The following NOVA1 variants were observed in gnomAD, a reference collection of about 807,000 sequenced individuals.
The protein encoded by NOVA1 is RNA-binding protein Nova-1.
NOVA1 carries 7 observed loss-of-function variants against 38.0 expected under a neutral mutation model. The observed-to-expected ratio is 0.18, with a 90% CI of 0.10 to 0.35. NOVA1 has a LOEUF of 0.35. Among genes scored for constraint, NOVA1 ranks in the 10% least tolerant of loss-of-function variants. NOVA1 has a pLI of 1.00. For synonymous variants in NOVA1, 270 were observed against 232.5 expected, an observed-to-expected ratio of 1.16 and a Z score of -1.47; for missense variants, 460 against 616.0, an observed-to-expected ratio of 0.75 and a Z score of 2.68.
chr14:26,503,174 T>C (rs1368305973), intron 2 of NOVA1, among the ~76,000 whole-genome samples: 3 of 152,080 alleles, frequency 2.0e-5, no homozygotes, highest in Non-Finnish European at 4.4e-5. Context: ...AAATGTTAGA[T>C]TGAATCTAGT....
At chr14:26,462,335 A>G (rs1405213568) in intron 4 of NOVA1, among the ~76,000 whole-genome samples, 5 of 152,188 alleles carry the variant, frequency 3.3e-5, no homozygotes, top group African/African-American at 4.8e-5. Flanking sequence ...GTTTCATGGT[A>G]AAGTCTCAAT....
chr14:26,512,330 A>G (rs1451633915), intron 2 of NOVA1, among the ~76,000 whole-genome samples: 1 of 152,206 alleles, frequency 6.6e-6, no homozygotes, highest in African/African-American at 2.4e-5. Flanking sequence ...TTCTAACTAC[A>G]AAGGAGTAAG....
intron 2 of NOVA1, among the ~76,000 whole-genome samples, chr14:26,584,101 T>C (rs956735448): frequency 1.3e-5 from 2 of 151,572 alleles, no homozygotes; most frequent in African/African-American, 2.4e-5. Context: ...TCCCCACATA[T>C]AGCAAAACAT....
chr14:26,524,456 T>G (rs1339916728), intron 2 of NOVA1, among the ~76,000 whole-genome samples: 3 of 152,134 alleles, frequency 2.0e-5, no homozygotes, highest in Non-Finnish European at 4.4e-5. Context: ...AATGCTTTAA[T>G]ATTATTATAA....
At chr14:26,563,200 G>C (rs74042435) in intron 2 of NOVA1, among the ~76,000 whole-genome samples, 1 of 146,472 alleles carries the variant, frequency 6.8e-6, no homozygotes, top group African/African-American at 2.5e-5. Context: ...AAGGAAGGAA[G>C]GAAGGAAGGA....
rs534896889 is a variant in NOVA1, at chr14:26,443,732, A to G, written c.*4227T>C. 1 of 152,154 alleles carries G rather than the reference A, an allele frequency of 6.6e-6. No individual in the cohort carries two copies. The highest frequency in any genetic ancestry group is 6.6e-5 in the Admixed American group (1 of 15,190). The allele number at this position is 152,154 out of a possible 1,614,324, so 9.4% of individuals were successfully genotyped here. ...TATGAGAAACCAAGCAGAAGGCAAA[A>G]TGAGTTCATCCTGTTTTCTAATCAT... On this transcript the variant is annotated 3_prime_UTR_variant, in exon 5 of 5. Transcript: ENST00000539517.
At chr14:26,500,041 C>T (rs1449706323) in intron 2 of NOVA1, among the ~76,000 whole-genome samples, 1 of 151,902 alleles carries the variant, frequency 6.6e-6, no homozygotes, top group African/African-American at 2.4e-5. Context: ...ATCCTTTTAC[C>T]TCGCTAACTC....
At chr14:26,584,049 A>G (rs1893377647) in intron 2 of NOVA1, among the ~76,000 whole-genome samples, 1 of 151,558 alleles carries the variant, frequency 6.6e-6, no homozygotes, top group Non-Finnish European at 1.5e-5. Flanking sequence ...CTTGTATATG[A>G]TCTGAACTGC....
At position 26,460,638 on chromosome 14, in the gene NOVA1, A is replaced by G. The variant is rs184867257; in HGVS notation, c.520-11675T>C. On this transcript the variant is annotated intron_variant, in intron 4 of 4. Coordinates refer to ENST00000539517, the MANE Select transcript of NOVA1 (RefSeq NM_002515.3). The stretch of plus-strand genomic sequence containing the variant: ...ATGATCAATTTATTGTCTCCGGAAA[A>G]ATTCAATGATAAAAAATTAGAAAAA... Among the ~76,000 whole-genome samples, 86 of 152,144 alleles carry G rather than the reference A, an allele frequency of 5.7e-4. 1 individual carries two copies. The East Asian group carries it at 0.015, about 27-fold the overall frequency.
intron 2 of NOVA1, among the ~76,000 whole-genome samples, chr14:26,506,212 T>C (rs202071698): frequency 1.4e-3 from 3 of 2,134 alleles, no homozygotes; most frequent in African/African-American, 1.5e-3. Context: ...CAACACTTGT[T>C]AAACTATTCT....
At chr14:26,578,795 T>C (rs1893023142) in intron 2 of NOVA1, among the ~76,000 whole-genome samples, 1 of 152,042 alleles carries the variant, frequency 6.6e-6, no homozygotes, top group African/African-American at 2.4e-5. Context: ...AACCACACCC[T>C]AATATTAATA....
At chr14:26,459,586 A>G (rs2138602361) in intron 4 of NOVA1, among the ~76,000 whole-genome samples, 1 of 152,282 alleles carries the variant, frequency 6.6e-6, no homozygotes, top group African/African-American at 2.4e-5. Flanking sequence ...TTTAGAAAAT[A>G]TTTTAAAATT....
intron 2 of NOVA1, among the ~76,000 whole-genome samples, chr14:26,533,465 T>C (rs1594482440): frequency 6.6e-6 from 1 of 152,182 alleles, no homozygotes; most frequent in Admixed American, 6.5e-5. Context: ...TCAATGTTTA[T>C]AGGAAAAGGT....
At chr14:26,511,065 A>G (rs1393501623) in intron 2 of NOVA1, among the ~76,000 whole-genome samples, 1 of 25,848 alleles carries the variant, frequency 3.9e-5, no homozygotes, top group African/African-American at 5.6e-5. Flanking sequence ...TGTGTCCTCC[A>G]TAAGAACGTA....
chr14:26,499,683 C>T (rs73599911), intron 2 of NOVA1, among the ~76,000 whole-genome samples: 1 of 152,086 alleles, frequency 6.6e-6, no homozygotes, highest in Non-Finnish European at 1.5e-5. Context: ...ATCTATCCAA[C>T]CTTGTTGGGA....
chr14:26,579,053 C>CTTTTTTTTTTT (rs869075814), intron 2 of NOVA1, among the ~76,000 whole-genome samples: 2 of 80,076 alleles, frequency 2.5e-5, no homozygotes, highest in Non-Finnish European at 4.2e-5. Flanking sequence ...AGGTGGTATT[C>CTTTTTTTTTTT]TTTTTTTTTT....
chr14:26,504,229 T>C (rs1356459809), intron 2 of NOVA1, among the ~76,000 whole-genome samples: 1 of 152,160 alleles, frequency 6.6e-6, no homozygotes, highest in Non-Finnish European at 1.5e-5. Context: ...ACAACTTTAC[T>C]ATGTAGCGTA....
rs1378237026 is a variant in NOVA1 at position 26,552,210 on chromosome 14, T to C, written c.280+43200A>G. ...AAAGGCACAGAAGTAAAGAGAAGCA[T>C]AGTTTAGCATTCAGAATACTGCAAT... On this transcript the variant is annotated intron_variant, in intron 2 of 4. Transcript: ENST00000539517. 2.0e-5 allele frequency among the ~76,000 whole-genome samples: 3 copies of C among 152,014 alleles called. No individual in the cohort carries two copies. The East Asian group carries it at 5.8e-4, about 29-fold the overall frequency.
chr14:26,531,007 A>G (rs1889672775), intron 2 of NOVA1, among the ~76,000 whole-genome samples: 1 of 152,210 alleles, frequency 6.6e-6, no homozygotes, highest in Admixed American at 6.5e-5. Context: ...CATTCTATAC[A>G]GAATGTTAGC....
Sources: gnomAD v4.1 joint callset for allele counts (sites outside exome capture counted in the v4.1 genomes callset) on GRCh38, gnomAD v4.1.1 for gene constraint, MANE v1.5 for transcripts, NCBI Gene and HGNC (gene_info 2026-07-23, HGNC 2026-07-21) for gene names.